Variants in CUX1 observed in about 807,000 individuals in gnomAD.
CUX1 encodes protein CASP.
CUX1 carries 31 observed loss-of-function variants against 158.8 expected under a neutral mutation model. That is an observed-to-expected ratio of 0.20 (90% CI 0.15 to 0.26). CUX1 has a LOEUF of 0.26. Among genes scored for constraint, CUX1 ranks in the 10% least tolerant of loss-of-function variants. CUX1 has a pLI of 1.00. For missense variants in CUX1, 1,589 were observed against 2,014.6 expected (o/e 0.79, Z 4.04); for synonymous variants, 879 against 862.1 (o/e 1.02, Z -0.34).
chr7:102,076,888 G>A lies in CUX1; in HGVS notation c.268+6471G>A, dbSNP rs1269921946. On this transcript the variant is annotated intron_variant, in intron 4 of 23. Coordinates refer to ENST00000292535, the MANE Select transcript of CUX1 (RefSeq NM_181552.4). ...GTCTCTACAAAAGATACAAAAGTTA[G>A]CTGGGCATGGTGGCGTTCGCCTGTA... Among the ~76,000 whole-genome samples the A allele has an allele frequency of 2.6e-5, 4 of 151,936 alleles. No individual in the cohort carries two copies. In the South Asian group the frequency reaches 6.2e-4, roughly 24 times the overall value.
chr7:102,229,964 G>A (rs1236166226), intron 21 of CUX1, among the ~76,000 whole-genome samples: 1 of 152,190 alleles, frequency 6.6e-6, no homozygotes, highest in Non-Finnish European at 1.5e-5. Context: ...CTCCAGTGTG[G>A]TGTTAACCAG....
At chr7:102,262,418 G>GGATGGATGGATGGATGGATA (rs1554544110), downstream of CUX1, among the ~76,000 whole-genome samples, 1 of 151,304 alleles carries the variant, frequency 6.6e-6, no homozygotes, top group Non-Finnish European at 1.5e-5. Flanking sequence ...ATGGATGGAT[G>GGATGGATGGATGGATGGATA]GATGGATGGA....
At chr7:101,872,450 T>G (rs1798667384) in intron 1 of CUX1, among the ~76,000 whole-genome samples, 1 of 151,808 alleles carries the variant, frequency 6.6e-6, no homozygotes, top group African/African-American at 2.4e-5. Context: ...AGGATTTTTT[T>G]GGGGGGAAAG....
At chr7:101,992,806 G>A (rs1444706922) in intron 2 of CUX1, among the ~76,000 whole-genome samples, 3 of 70,026 alleles carry the variant, frequency 4.3e-5, no homozygotes, top group Non-Finnish European at 5.8e-5. Context: ...CCCCCGCCCC[G>A]CCGGATTATT....
chr7:102,152,927 G>A (rs1039997127), intron 8 of CUX1, among the ~76,000 whole-genome samples: 1 of 152,330 alleles, frequency 6.6e-6, no homozygotes, highest in South Asian at 2.1e-4. Context: ...TGAAAGGTAA[G>A]TGCAGTCCTT....
intron 2 of CUX1, among the ~76,000 whole-genome samples, chr7:101,985,959 G>A (rs1013872889): frequency 6.6e-6 from 1 of 152,330 alleles, no homozygotes. Flanking sequence ...ATGGCAGCAA[G>A]GTACCTGAAA....
At chr7:102,155,428 C>T (rs1789639908) in intron 8 of CUX1, among the ~76,000 whole-genome samples, 1 of 151,712 alleles carries the variant, frequency 6.6e-6, no homozygotes, top group Non-Finnish European at 1.5e-5. Context: ...CACCACTAGT[C>T]CCAGCTACTC....
At chr7:102,273,717 C>A (rs1470655493) in intron 15 of CUX1, among the ~76,000 whole-genome samples, 1 of 152,242 alleles carries the variant, frequency 6.6e-6, no homozygotes, top group African/African-American at 2.4e-5. Flanking sequence ...GGCTTCCTAG[C>A]GGTAGCACAG....
rs115452839 is a variant in CUX1, at chr7:102,063,581, C to T, written c.190-6758C>T. Reference sequence around the variant, plus strand: ...TTTTTATAGTTTTAGTCAAGAGAGACGAGGTTTCACCATGTTGGCCAGGCT... The same window carrying T: ...TTTTTATAGTTTTAGTCAAGAGAGATGAGGTTTCACCATGTTGGCCAGGCT... On this transcript the variant is annotated intron_variant, in intron 3 of 23. Transcript: ENST00000292535. 4.9e-3 allele frequency among the ~76,000 whole-genome samples: 752 copies of T among 151,938 alleles called. 8 individuals are homozygous for T. The highest frequency in any genetic ancestry group is 0.017 in the African/African-American group (718 of 41,450).
At chr7:102,216,558 ACACACACTCC>A (rs1563424745) in intron 20 of CUX1, among the ~76,000 whole-genome samples, 11 of 96,050 alleles carry the variant, frequency 1.1e-4, no homozygotes, top group African/African-American at 4.8e-4. Flanking sequence ...CCACACACGC[ACACACACTCC>A]CACACACACA....
rs869202667 is a variant in CUX1 at position 102,073,165 on chromosome 7, C to CTTTTTTTTTTTTTTTTTTTTTTTTTTTTT, written c.268+2772_268+2773insTTTTTTTTTTTTTTTTTTTTTTTTTTTTT. Among the ~76,000 whole-genome samples, 6 of 66,890 alleles carry CTTTTTTTTTTTTTTTTTTTTTTTTTTTTT rather than the reference C, an allele frequency of 9.0e-5. 2 individuals carry two copies. Among genetic ancestry groups the CTTTTTTTTTTTTTTTTTTTTTTTTTTTTT allele is most frequent in the African/African-American group, 3.9e-4 (6 of 15,580 alleles). The allele number at this position is 66,890 out of a possible 152,430, so 43.9% of individuals were successfully genotyped here. A position where few individuals can be genotyped will look rare whatever the true frequency, so the allele number is the denominator to read the frequency against. ...AAATAATATGTAATCTCTTTTCTTT[C>CTTTTTTTTTTTTTTTTTTTTTTTTTTTTT]TTTTTTTTTTTTTTTTTTTTTTTTC... On this transcript the variant is annotated intron_variant, in intron 4 of 23. Coordinates refer to ENST00000292535, the MANE Select transcript of CUX1 (RefSeq NM_181552.4).
At chr7:101,908,205 T>C (rs930331089) in intron 1 of CUX1, among the ~76,000 whole-genome samples, 4 of 152,234 alleles carry the variant, frequency 2.6e-5, no homozygotes, top group Non-Finnish European at 5.9e-5. Context: ...AGTGACTAGA[T>C]TGATTGCTGT....
At chr7:101,885,714 C>T (rs1027048096) in intron 1 of CUX1, among the ~76,000 whole-genome samples, 3 of 152,212 alleles carry the variant, frequency 2.0e-5, no homozygotes, top group Non-Finnish European at 2.9e-5. Context: ...CGGACGACTT[C>T]CTCTTTGTGT....
chr7:101,826,910 C>G (rs2130976810), intron 1 of CUX1, among the ~76,000 whole-genome samples: 1 of 152,274 alleles, frequency 6.6e-6, no homozygotes, highest in South Asian at 2.1e-4. Context: ...ACTCATTCAG[C>G]TGGTTAAGAA....
chr7:101,820,756 C>T (rs1158931029), intron 1 of CUX1, among the ~76,000 whole-genome samples: 4 of 152,130 alleles, frequency 2.6e-5, no homozygotes, highest in Admixed American at 6.5e-5. Context: ...TCACAAAACC[C>T]GGAAGAATTG....
intron 10 of CUX1, among the ~76,000 whole-genome samples, chr7:102,176,413 G>A (rs1792341322): frequency 6.6e-6 from 1 of 152,140 alleles, no homozygotes; most frequent in Non-Finnish European, 1.5e-5. Context: ...GTGGCTTTCT[G>A]TGTTACAGCA....
In CUX1 at chr7:102,076,817, T is replaced by A. The variant is rs527514465; in HGVS notation, c.268+6400T>A. 2.6e-5 allele frequency among the ~76,000 whole-genome samples: 4 copies of A among 152,112 alleles called. No individual in the cohort carries two copies. The South Asian group carries it at 8.3e-4, about 32-fold the overall frequency. ...AGGTAGCTGAATTACCTGAATTACT[T>A]GAGCCCAGGGGTTGAAGACCAGCCT... is the stretch of plus-strand genomic sequence containing the variant. On this transcript the variant is annotated intron_variant, in intron 4 of 23. Transcript: ENST00000292535.
chr7:101,989,829 C>G (rs1814868075), intron 2 of CUX1, among the ~76,000 whole-genome samples: 1 of 152,168 alleles, frequency 6.6e-6, no homozygotes, highest in Non-Finnish European at 1.5e-5. Context: ...CTGGGTTAGC[C>G]TCATGGACAA....
chr7:101,918,498 C>T (rs1323446455), intron 2 of CUX1, among the ~76,000 whole-genome samples: 1 of 152,232 alleles, frequency 6.6e-6, no homozygotes, highest in Non-Finnish European at 1.5e-5. Context: ...TGGAAGGTCA[C>T]CACCTGCTTG....
Sources: gnomAD v4.1 joint callset for allele counts (sites outside exome capture counted in the v4.1 genomes callset) on GRCh38, gnomAD v4.1.1 for gene constraint, MANE v1.5 for transcripts, NCBI Gene and HGNC (gene_info 2026-07-23, HGNC 2026-07-21) for gene names.